The following PHC3 variants were observed in gnomAD, a reference collection of about 807,000 sequenced individuals.
PHC3 encodes polyhomeotic-like protein 3.
In PHC3, 13 loss-of-function variants were observed where a neutral mutation model predicts 107.4. The observed-to-expected ratio is 0.12, with a 90% CI of 0.08 to 0.19. PHC3 has a LOEUF of 0.19. PHC3 is among the 10% of genes least tolerant of loss of function. PHC3 has a pLI of 1.00. For synonymous variants in PHC3, 456 were observed against 427.4 expected (o/e 1.07, Z -0.83); for missense variants, 992 against 1,210.9 (o/e 0.82, Z 2.68).
At position 170,095,763 on chromosome 3, in the gene PHC3, G is replaced by C. The variant is rs1714569802; in HGVS notation, c.*1467C>G. 1 of 152,098 alleles carries C rather than the reference G, an allele frequency of 6.6e-6. No homozygotes were observed. Among genetic ancestry groups the C allele is most frequent in the South Asian group, 2.1e-4 (1 of 4,832 alleles). The allele number at this position is 152,098 out of a possible 1,614,324, so 9.4% of individuals were successfully genotyped here. A position where few individuals can be genotyped will look rare whatever the true frequency, so the allele number is the denominator to read the frequency against. The stretch of plus-strand genomic sequence containing the variant: ...GATGTCCAGGACTATAAAGCTTTCA[G>C]GGCTTCCACAAACAATTTTGTTTTA... On this transcript the variant is annotated 3_prime_UTR_variant, in exon 15 of 15. Coordinates refer to ENST00000495893, the MANE Select transcript of PHC3 (RefSeq NM_024947.4).
intron 6 of PHC3, among the ~76,000 whole-genome samples, chr3:170,139,154 C>T (rs928600900): frequency 6.6e-6 from 1 of 152,182 alleles, no homozygotes; most frequent in Non-Finnish European, 1.5e-5. Flanking sequence ...TACTGAGACT[C>T]GCTAGTAGAC....
Position 170,089,898 on chromosome 3 carries a change from C to G in PHC3, c.*7332G>C, listed in dbSNP as rs892248821. 8.4e-6 allele frequency: 1 copy of G among 119,078 alleles called. No homozygotes were observed. The highest frequency in any genetic ancestry group is 1.6e-5 in the Non-Finnish European group (1 of 61,936). 7.4% of individuals were successfully genotyped at this position (119,078 alleles called of 1,614,324 possible). ...CACCACTGCACACCAGCCTGGGCAACAGAGCGAACCCATCTCAAAAAAAAA... is the reference window on the plus strand; with the variant it reads ...CACCACTGCACACCAGCCTGGGCAAGAGAGCGAACCCATCTCAAAAAAAAA... On this transcript the variant is annotated 3_prime_UTR_variant, in exon 15 of 15. Transcript: ENST00000495893.
intron 2 of PHC3, among the ~76,000 whole-genome samples, chr3:170,175,512 T>G (rs1054401650): frequency 6.6e-6 from 1 of 151,856 alleles, no homozygotes; most frequent in Non-Finnish European, 1.5e-5. Flanking sequence ...CACATGTGCC[T>G]GTAGTCTCAA....
chr3:170,180,847 A>AT (rs1261836995), intron 1 of PHC3, among the ~76,000 whole-genome samples: 1 of 152,232 alleles, frequency 6.6e-6, no homozygotes, highest in Non-Finnish European at 1.5e-5. Context: ...AATTCTCGGC[A>AT]TAAGTCTAAA....
Position 170,145,467 on chromosome 3 carries a change from C to T in PHC3, c.628G>A (p.Val210Ile). 6.2e-7 allele frequency: 1 copy of T among 1,613,114 alleles called. No homozygotes were observed. Among genetic ancestry groups the T allele is most frequent in the Admixed American group, 1.7e-5 (1 of 59,940 alleles). The change falls in exon 6 of 15, where the codon GTC becomes ATC. Residue 210 changes from valine to isoleucine, a missense_variant. Physicochemically the swap from Val to Ile is conservative, Grantham distance 29 (BLOSUM62 3). Coordinates refer to ENST00000495893, the MANE Select transcript of PHC3 (RefSeq NM_024947.4). The part of the protein sequence containing the change: ...VAAVQSDIPV[V>I]SSSSSSSCQS... ...CAGGAAGATGACGATGACGACGAGA[C>T]AACAGGAATGTCAGACTGTACAGCA...
chr3:170,144,645 G>A (rs1298763493), intron 6 of PHC3, among the ~76,000 whole-genome samples: 2 of 152,124 alleles, frequency 1.3e-5, no homozygotes, highest in Admixed American at 6.6e-5. Flanking sequence ...CCAATATATA[G>A]TATTAGCAGT....
rs923668064 is a variant in PHC3 at position 170,172,486 on chromosome 3, T to C, written c.336+71A>G. The C allele has an allele frequency of 4.7e-6, 7 of 1,494,506 alleles. No homozygotes were observed. The African/African-American group carries it at 5.7e-5, about 12-fold the overall frequency. The allele number at this position is 1,494,506 out of a possible 1,614,324, so 92.6% of individuals were successfully genotyped here. On this transcript the variant is annotated intron_variant, in intron 3 of 14. Coordinates refer to ENST00000495893, the MANE Select transcript of PHC3 (RefSeq NM_024947.4). ...CTGAGAACTCTGAAATAATACCCAATCTATTTATTTTCAGTAACTACCTAC... is the reference window on the plus strand; with the variant it reads ...CTGAGAACTCTGAAATAATACCCAACCTATTTATTTTCAGTAACTACCTAC...
rs1018019505 is a variant in PHC3 at position 170,095,775 on chromosome 3, A to G, written c.*1455T>C. ...TATAAAGCTTTCAGGGCTTCCACAA[A>G]CAATTTTGTTTTAGTGTCATAATTC... On this transcript the variant is annotated 3_prime_UTR_variant, in exon 15 of 15. Coordinates refer to ENST00000495893, the MANE Select transcript of PHC3 (RefSeq NM_024947.4). 2.6e-5 allele frequency: 4 copies of G among 152,172 alleles called. No homozygotes were observed. The highest frequency in any genetic ancestry group is 9.7e-5 in the African/African-American group (4 of 41,448). The allele number at this position is 152,172 out of a possible 1,614,324, so 9.4% of individuals were successfully genotyped here.
intron 8 of PHC3, among the ~76,000 whole-genome samples, chr3:170,126,528 A>ATATATATATTT (rs370421296): frequency 7.7e-5 from 7 of 90,618 alleles, no homozygotes; most frequent in African/African-American, 3.1e-4. Context: ...ATATATATAT[A>ATATATATATTT]TTTTTTTTTT....
chr3:170,128,519 T>G, intron 8 of PHC3, 165 bp downstream of exon 8: 1 of 1,115,020 alleles, frequency 9.0e-7, no homozygotes, highest in African/African-American at 1.6e-5. Flanking sequence ...CAATGGCATT[T>G]TTTTTTTTTT....
chr3:170,163,861 CAA>C (rs200514068), intron 4 of PHC3, among the ~76,000 whole-genome samples: 18 of 85,110 alleles, frequency 2.1e-4, no homozygotes, highest in Non-Finnish European at 3.2e-4. Flanking sequence ...AGACTCTGTC[CAA>C]AAAAAAAAAA....
intron 9 of PHC3, among the ~76,000 whole-genome samples, chr3:170,118,746 G>C (rs936808666): frequency 1.4e-4 from 21 of 151,770 alleles, no homozygotes; most frequent in African/African-American, 5.1e-4. Context: ...GATTTTTGTA[G>C]AGATGGGGTC....
At chr3:170,115,611 T>C (rs964112626) in intron 10 of PHC3, among the ~76,000 whole-genome samples, 23 of 152,168 alleles carry the variant, frequency 1.5e-4, no homozygotes, top group Non-Finnish European at 4.4e-5. Flanking sequence ...AATGTGAAAA[T>C]AAAAGTTATG....
At chr3:170,109,466 G>C (rs1576990108) in intron 11 of PHC3, among the ~76,000 whole-genome samples, 1 of 152,082 alleles carries the variant, frequency 6.6e-6, no homozygotes, top group Non-Finnish European at 1.5e-5. Context: ...CCAATACTAA[G>C]GAACTACCAC....
intron 8 of PHC3, among the ~76,000 whole-genome samples, chr3:170,125,726 C>G (rs923465083): frequency 3.3e-5 from 5 of 152,242 alleles, no homozygotes; most frequent in African/African-American, 1.2e-4. Flanking sequence ...ACTTCCAGAA[C>G]TCTCATATAA....
chr3:170,112,027 A>G (rs540655305), intron 11 of PHC3, among the ~76,000 whole-genome samples: 2 of 152,266 alleles, frequency 1.3e-5, no homozygotes, highest in African/African-American at 4.8e-5. Context: ...GAACTCTATC[A>G]CCTGAAGGGC....
intron 9 of PHC3, among the ~76,000 whole-genome samples, chr3:170,118,559 C>A (rs1229792288): frequency 1.3e-5 from 2 of 152,068 alleles, no homozygotes; most frequent in African/African-American, 2.4e-5. Context: ...CTACAGGCAC[C>A]CACCACCATG....
Position 170,092,366 on chromosome 3 carries a change from T to G in PHC3, c.*4864A>C, listed in dbSNP as rs151182606. 6.6e-6 allele frequency: 1 copy of G among 152,216 alleles called. No individual in the cohort carries two copies. Among genetic ancestry groups the G allele is most frequent in the Non-Finnish European group, 1.5e-5 (1 of 68,030 alleles). 9.4% of individuals were successfully genotyped at this position (152,216 alleles called of 1,614,324 possible). ...ATTTTAGTAAGATTGCATATTTACT[T>G]TTCCTAATACTGTATTTGTGCTTAT... is the stretch of plus-strand genomic sequence containing the variant. On this transcript the variant is annotated 3_prime_UTR_variant, in exon 15 of 15. Transcript: ENST00000495893.
At chr3:170,154,180 A>C (rs765983635) in intron 4 of PHC3, among the ~76,000 whole-genome samples, 2 of 152,212 alleles carry the variant, frequency 1.3e-5, no homozygotes, top group Non-Finnish European at 2.9e-5. Flanking sequence ...TCATATATCC[A>C]GTATCTACGA....
Sources: gnomAD v4.1 joint callset for allele counts (sites outside exome capture counted in the v4.1 genomes callset) on GRCh38, gnomAD v4.1.1 for gene constraint, MANE v1.5 for transcripts, NCBI Gene and HGNC (gene_info 2026-07-23, HGNC 2026-07-21) for gene names.